TTBK2: variants seen among roughly 807,000 people sequenced by gnomAD.
TTBK2 encodes the protein tau-tubulin kinase 2.
A neutral mutation model predicts 110.8 loss-of-function variants in TTBK2; 28 were observed. The ratio of observed to expected loss-of-function variants is 0.25; its 90% CI spans 0.19 to 0.35. The LOEUF is 0.35. TTBK2 is among the 10% of genes least tolerant of loss of function. The probability of loss-of-function intolerance (pLI) is 1.00; values close to 1 mark genes in which losing one functional copy is unlikely to be tolerated. For missense variants in TTBK2, 1,369 were observed against 1,500.3 expected (o/e 0.91, Z 1.45); for synonymous variants, 532 against 527.3 (o/e 1.01, Z -0.12).
At chr15:42,801,217 T>A in intron 9 of TTBK2, 1 of 1,499,942 alleles carries the variant, frequency 6.7e-7, no homozygotes, top group South Asian at 1.2e-5. Context: ...TCCAGCCAGC[T>A]CTCCTCGCCC....
At chr15:42,826,845 AG>A (rs1203817003) in intron 6 of TTBK2, among the ~76,000 whole-genome samples, 1 of 152,164 alleles carries the variant, frequency 6.6e-6, no homozygotes, top group East Asian at 1.9e-4. Context: ...TCAAAAATAG[AG>A]GTTGTGGTAA....
intron 3 of TTBK2, among the ~76,000 whole-genome samples, chr15:42,866,682 A>C (rs1212146666): frequency 6.6e-6 from 1 of 152,172 alleles, no homozygotes; most frequent in Non-Finnish European, 1.5e-5. Flanking sequence ...ACATACCCTA[A>C]CAAACTTAAA....
intron 10 of TTBK2, among the ~76,000 whole-genome samples, chr15:42,790,643 G>C (rs150434744): frequency 2.0e-5 from 3 of 152,042 alleles, no homozygotes; most frequent in African/African-American, 7.2e-5. Flanking sequence ...TTGCCTTTTT[G>C]TTCTAATGCT....
At chr15:42,812,206 C>G (rs1186869333) in intron 7 of TTBK2, among the ~76,000 whole-genome samples, 1 of 152,166 alleles carries the variant, frequency 6.6e-6, no homozygotes, top group Non-Finnish European at 1.5e-5. Context: ...CTTGGGCCTA[C>G]ATAGGACATG....
Position 42,878,659 on chromosome 15 carries a change from G to A in TTBK2, c.-42C>T. 2 of 1,613,528 alleles carry A rather than the reference G, an allele frequency of 1.2e-6. No individual in the cohort carries two copies. The highest frequency in any genetic ancestry group is 1.7e-6 in the Non-Finnish European group (2 of 1,179,816). The stretch of plus-strand genomic sequence containing the variant: ...GGTAGAACAGCTACACAGGCATCCA[G>A]TTCCCAAGGGTGGTTTCCATTTAAC... On this transcript the variant is annotated 5_prime_UTR_variant, in exon 2 of 15. Transcript: ENST00000267890.
Position 42,839,146 on chromosome 15 carries a change from T to C in TTBK2, c.291+1214A>G, listed in dbSNP as rs542518419. Among the ~76,000 whole-genome samples the C allele has an allele frequency of 4.5e-4, 68 of 152,294 alleles. 1 individual carries two copies. The highest frequency in any genetic ancestry group is 1.5e-3 in the African/African-American group (61 of 41,568). On this transcript the variant is annotated intron_variant, in intron 4 of 14. Transcript: ENST00000267890. ...CTGGTGTCTATTGTCCCCCTCTTTGTATCCATGTGTACTCAATGTTTAGCT... is the reference window on the plus strand; with the variant it reads ...CTGGTGTCTATTGTCCCCCTCTTTGCATCCATGTGTACTCAATGTTTAGCT...
At position 42,788,439 on chromosome 15, in the gene TTBK2, A is replaced by G. The variant is rs117525194; in HGVS notation, c.981-4804T>C. 8.5e-3 allele frequency among the ~76,000 whole-genome samples: 1,294 copies of G among 152,260 alleles called. 9 individuals carry two copies. Among genetic ancestry groups the G allele is most frequent in the Non-Finnish European group, 0.013 (863 of 67,998 alleles). ...TACGATCACGCTGTTTAAGTCTTCT[A>G]TCTTCCTATTCTCTGTTCACTTGAT... On this transcript the variant is annotated intron_variant, in intron 10 of 14. Coordinates refer to ENST00000267890, the MANE Select transcript of TTBK2 (RefSeq NM_173500.4).
intron 3 of TTBK2, among the ~76,000 whole-genome samples, chr15:42,845,749 A>G (rs1478226491): frequency 6.6e-6 from 1 of 152,032 alleles, no homozygotes; most frequent in Non-Finnish European, 1.5e-5. Flanking sequence ...GTGCTGAGAA[A>G]TGCATCCTTG....
chr15:42,825,693 C>T (rs753034856), intron 6 of TTBK2, among the ~76,000 whole-genome samples: 2 of 152,000 alleles, frequency 1.3e-5, no homozygotes, highest in South Asian at 2.1e-4. Flanking sequence ...CTGGCCTGGG[C>T]GACAGAGCGA....
rs958554912 is a variant in TTBK2 at position 42,811,602 on chromosome 15, C to T, written c.696+86G>A. ...ATGCTTGTAGATTTTAAGTCTTATA[C>T]ATAAGTATATTTTCAACAAAAATGT... On this transcript the variant is annotated intron_variant, in intron 8 of 14. Coordinates refer to ENST00000267890, the MANE Select transcript of TTBK2 (RefSeq NM_173500.4). The T allele has an allele frequency of 4.9e-6, 5 of 1,029,874 alleles. No individual in the cohort carries two copies. In the Admixed American group the frequency reaches 9.8e-5, roughly 20 times the overall value. 63.8% of individuals were successfully genotyped at this position (1,029,874 alleles called of 1,614,324 possible). A position where few individuals can be genotyped will look rare whatever the true frequency, so the allele number is the denominator to read the frequency against.
intron 1 of TTBK2, among the ~76,000 whole-genome samples, chr15:42,900,597 C>CTA (rs1184461672): frequency 6.6e-6 from 1 of 151,960 alleles, no homozygotes; most frequent in Non-Finnish European, 1.5e-5. Context: ...TGGTGCGTGC[C>CTA]TATAGTCCCA....
At chr15:42,847,767 T>C (rs189254771) in intron 3 of TTBK2, among the ~76,000 whole-genome samples, 158 of 152,376 alleles carry the variant, frequency 1.0e-3, no homozygotes, top group Middle Eastern at 0.01. Flanking sequence ...TTTATTCCAC[T>C]TGATCTATAT....
chr15:42,789,305 A>G (rs556960157), intron 10 of TTBK2, among the ~76,000 whole-genome samples: 232 of 150,560 alleles, frequency 1.5e-3, no homozygotes, highest in African/African-American at 5.5e-3. Flanking sequence ...GTGTGTGTGT[A>G]TATATATATA....
At chr15:42,862,219 T>A (rs780288278) in intron 3 of TTBK2, among the ~76,000 whole-genome samples, 5 of 152,086 alleles carry the variant, frequency 3.3e-5, no homozygotes, top group Non-Finnish European at 7.4e-5. Context: ...GAGTGGCTCC[T>A]CCCTAATTCA....
intron 1 of TTBK2, among the ~76,000 whole-genome samples, chr15:42,901,612 C>G (rs555926779): frequency 6.9e-6 from 1 of 143,952 alleles, no homozygotes; most frequent in Non-Finnish European, 1.5e-5. Context: ...GAGACCTCGT[C>G]TCTAAAAAAA....
At chr15:42,763,184 ATATATATATTTTTTTT>A (rs1889168530) in intron 13 of TTBK2, among the ~76,000 whole-genome samples, 1 of 23,278 alleles carries the variant, frequency 4.3e-5, no homozygotes, top group East Asian at 1.4e-3. Flanking sequence ...ATATATATAT[ATATATATATTTTTTTT>A]TTTTTTTTTT....
rs529961567 is a variant in TTBK2 at position 42,912,684 on chromosome 15, A to G, written c.-68+7754T>C. 1.1e-4 allele frequency among the ~76,000 whole-genome samples: 16 copies of G among 151,716 alleles called. No homozygotes were observed. The South Asian group carries it at 2.1e-3, about 20-fold the overall frequency. On this transcript the variant is annotated intron_variant, in intron 1 of 14. Transcript: ENST00000267890. ...TGAGATTGCAAGATCGCGCCATTGC[A>G]CTCCAGCCTGGGTGACAAGAGCAAA...
intron 13 of TTBK2, among the ~76,000 whole-genome samples, chr15:42,762,678 A>G (rs1414727642): frequency 6.6e-6 from 1 of 152,182 alleles, no homozygotes; most frequent in African/African-American, 2.4e-5. Flanking sequence ...GATCACCACC[A>G]CTGTACTCCA....
rs1400198806 is a variant in TTBK2, at chr15:42,741,498, C to G, written c.*4297G>C. Reference sequence around the variant, plus strand: ...AGCGCAACAGTACTTGTCAACCACTCCATCTCCTCAGTGACACAGGTGCTA... The same window carrying G: ...AGCGCAACAGTACTTGTCAACCACTGCATCTCCTCAGTGACACAGGTGCTA... On this transcript the variant is annotated 3_prime_UTR_variant, in exon 15 of 15. Coordinates refer to ENST00000267890, the MANE Select transcript of TTBK2 (RefSeq NM_173500.4). 2 of 152,226 alleles carry G rather than the reference C, an allele frequency of 1.3e-5. No individual in the cohort carries two copies. The highest frequency in any genetic ancestry group is 4.8e-5 in the African/African-American group (2 of 41,454). The allele number at this position is 152,226 out of a possible 1,614,324, so 9.4% of individuals were successfully genotyped here.
Sources: allele counts gnomAD v4.1 joint callset (sites outside exome capture counted in the v4.1 genomes callset), GRCh38; gene constraint gnomAD v4.1.1; transcripts MANE v1.5; gene names NCBI Gene and HGNC (gene_info 2026-07-23, HGNC 2026-07-21).